The following GHR variants were observed in gnomAD, a reference collection of about 807,000 sequenced individuals.
GHR encodes GH receptor.
GHR carries 35 observed loss-of-function variants against 67.1 expected under a neutral mutation model. The ratio of observed to expected loss-of-function variants is 0.52; its 90% CI spans 0.40 to 0.69. The LOEUF (loss-of-function observed/expected upper bound fraction) is 0.69, where lower values mean the gene tolerates loss of function less well. Ranked by LOEUF, GHR falls within the 30% of genes least tolerant of loss-of-function variation. The pLI is 0.00. For synonymous variants in GHR, 272 were observed against 269.1 expected (o/e 1.01, Z -0.10); for missense variants, 792 against 764.6 (o/e 1.04, Z -0.42).
intron 3 of GHR, among the ~76,000 whole-genome samples, chr5:42,655,425 A>G (rs1755206200): frequency 6.6e-6 from 1 of 152,162 alleles, no homozygotes; most frequent in South Asian, 2.1e-4. Flanking sequence ...AGAATGGAAC[A>G]GAAAGTGTTT....
chr5:42,547,683 G>A (rs977391022), intron 1 of GHR, among the ~76,000 whole-genome samples: 5 of 152,144 alleles, frequency 3.3e-5, no homozygotes, highest in African/African-American at 1.2e-4. Flanking sequence ...TTGAAGGGAT[G>A]AGATGAGGGG....
At chr5:42,546,305 C>A (rs2112396604) in intron 1 of GHR, among the ~76,000 whole-genome samples, 1 of 152,320 alleles carries the variant, frequency 6.6e-6, no homozygotes, top group South Asian at 2.1e-4. Flanking sequence ...CTTTTTATAA[C>A]CCCTCATTGT....
At chr5:42,506,469 A>G (rs1746781672) in intron 1 of GHR, among the ~76,000 whole-genome samples, 1 of 152,188 alleles carries the variant, frequency 6.6e-6, no homozygotes, top group African/African-American at 2.4e-5. Flanking sequence ...ACCCTACCGT[A>G]CTTCTTGGGA....
At chr5:42,447,398 G>A (rs187573873) in intron 1 of GHR, among the ~76,000 whole-genome samples, 90 of 152,146 alleles carry the variant, frequency 5.9e-4, no homozygotes, top group African/African-American at 2.1e-3. Flanking sequence ...TACAATATTT[G>A]GTTTTCCATT....
intron 3 of GHR, among the ~76,000 whole-genome samples, chr5:42,643,522 G>A (rs1754581277): frequency 6.6e-6 from 1 of 152,066 alleles, no homozygotes; most frequent in African/African-American, 2.4e-5. Context: ...GATTGTTAAT[G>A]TCTACACGAC....
intron 3 of GHR, among the ~76,000 whole-genome samples, chr5:42,662,904 A>G (rs945931032): frequency 1.3e-5 from 2 of 152,192 alleles, no homozygotes; most frequent in Non-Finnish European, 1.5e-5. Flanking sequence ...AAAAAATGAT[A>G]AAGAGGATAT....
At chr5:42,558,959 G>A (rs1050711380) in intron 1 of GHR, among the ~76,000 whole-genome samples, 1 of 152,070 alleles carries the variant, frequency 6.6e-6, no homozygotes, top group African/African-American at 2.4e-5. Flanking sequence ...CTTGTACTAA[G>A]CTTTCAATTC....
chr5:42,689,646 A>G (rs1329322628), intron 4 of GHR, among the ~76,000 whole-genome samples: 1 of 152,142 alleles, frequency 6.6e-6, no homozygotes, highest in Non-Finnish European at 1.5e-5. Context: ...TATTTGAGGG[A>G]TGAAAAAGGC....
chr5:42,474,861 A>AT (rs1184750872), intron 1 of GHR, among the ~76,000 whole-genome samples: 162 of 114,074 alleles, frequency 1.4e-3, no homozygotes, highest in African/African-American at 5.1e-3. Context: ...TTTCTACAAC[A>AT]TTTTTTTCTT....
intron 3 of GHR, among the ~76,000 whole-genome samples, chr5:42,640,108 A>G (rs1754392110): frequency 6.6e-6 from 1 of 152,096 alleles, no homozygotes; most frequent in African/African-American, 2.4e-5. Flanking sequence ...GGACTTTTCT[A>G]TCTCATGTGG....
intron 1 of GHR, among the ~76,000 whole-genome samples, chr5:42,469,793 T>C (rs1304139363): frequency 6.6e-6 from 1 of 152,192 alleles, no homozygotes; most frequent in Admixed American, 6.5e-5. Flanking sequence ...TTTCTCAAGT[T>C]TGGACTTTAC....
intron 3 of GHR, among the ~76,000 whole-genome samples, chr5:42,682,700 A>G (rs927216411): frequency 6.6e-6 from 1 of 152,234 alleles, no homozygotes; most frequent in Non-Finnish European, 1.5e-5. Flanking sequence ...ACTGTGATAC[A>G]TTCCATTTGC....
chr5:42,544,423 T>C (rs1296259959), intron 1 of GHR, among the ~76,000 whole-genome samples: 4 of 152,174 alleles, frequency 2.6e-5, no homozygotes, highest in Admixed American at 6.5e-5. Context: ...CTTGTCTAGT[T>C]TGAATCTAAA....
intron 1 of GHR, among the ~76,000 whole-genome samples, chr5:42,534,154 A>ATATATGTACATATGTATATATGTATG (rs1748113482): frequency 1.4e-5 from 2 of 140,564 alleles, no homozygotes; most frequent in Admixed American, 1.6e-4. Flanking sequence ...ATATGTATGT[A>ATATATGTACATATGTATATATGTATG]TATATATGTA....
At chr5:42,713,791 T>C (rs1758587158) in intron 8 of GHR, 2 of 367,948 alleles carry the variant, frequency 5.4e-6, no homozygotes, top group Non-Finnish European at 1.0e-5. Flanking sequence ...CCTTGTGATA[T>C]GTACCTCTTT....
At chr5:42,495,235 A>G (rs1017377231) in intron 1 of GHR, among the ~76,000 whole-genome samples, 3 of 152,064 alleles carry the variant, frequency 2.0e-5, no homozygotes, top group Non-Finnish European at 2.9e-5. Flanking sequence ...CACTTAGTCT[A>G]TCTAGTAAGA....
At chr5:42,468,209 G>T (rs144193150) in intron 1 of GHR, 14,507 of 1,443,904 alleles carry the variant, frequency 0.01, 185 homozygotes, top group South Asian at 0.04. Flanking sequence ...TTCTCAGAGT[G>T]CACTTGTTGG....
chr5:42,426,779 A>G (rs1349593503), intron 1 of GHR, among the ~76,000 whole-genome samples: 7 of 152,192 alleles, frequency 4.6e-5, no homozygotes, highest in East Asian at 1.9e-4. Flanking sequence ...ATTTTTTTCA[A>G]CCTGAAACAG....
chr5:42,574,078 T>C (rs1750493751), intron 2 of GHR, among the ~76,000 whole-genome samples: 1 of 152,336 alleles, frequency 6.6e-6, no homozygotes. Flanking sequence ...ATTTAGGACA[T>C]ATAATTTCTT....
Sources: gnomAD v4.1 joint callset for allele counts (sites outside exome capture counted in the v4.1 genomes callset) on GRCh38, gnomAD v4.1.1 for gene constraint, MANE v1.5 for transcripts, NCBI Gene and HGNC (gene_info 2026-07-23, HGNC 2026-07-21) for gene names.